XKR5: variants seen among roughly 807,000 people sequenced by gnomAD.
XKR5 encodes the protein XK-related protein 5.
Under a neutral mutation model 40.8 loss-of-function variants are expected in XKR5, and 46 were observed. The observed-to-expected ratio is 1.13, with a 90% confidence interval of 0.89 to 1.44. The LOEUF (loss-of-function observed/expected upper bound fraction) is 1.44. Among genes scored for constraint, XKR5 ranks in the 40% most tolerant of loss-of-function variants. The probability of loss-of-function intolerance (pLI) is 0.00; values close to 1 mark genes in which losing one functional copy is unlikely to be tolerated. For synonymous variants in XKR5, 466 were observed against 356.1 expected, an observed-to-expected ratio of 1.31 and a Z score of -3.48; for missense variants, 1,169 against 844.7, an observed-to-expected ratio of 1.38 and a Z score of -4.76.
At chr8:6,814,722 A>G (rs899115675) in intron 6 of XKR5, among the ~76,000 whole-genome samples, 1 of 152,232 alleles carries the variant, frequency 6.6e-6, no homozygotes, top group African/African-American at 2.4e-5. Context: ...AAGCTGGAAG[A>G]AGTGAGGACC....
chr8:6,831,715 C>G (rs1804772008), intron 2 of XKR5, among the ~76,000 whole-genome samples: 1 of 151,982 alleles, frequency 6.6e-6, no homozygotes, highest in Non-Finnish European at 1.5e-5. Context: ...GAATTTTTCT[C>G]CCTTAAAAAA....
chr8:6,833,727 A>C (rs141971335), intron 1 of XKR5, among the ~76,000 whole-genome samples: 78 of 152,266 alleles, frequency 5.1e-4, no homozygotes, highest in African/African-American at 1.8e-3. Context: ...AAAACAAAAC[A>C]AAACAGTAAC....
At chr8:6,813,020 G>A (rs972920828) in intron 6 of XKR5, among the ~76,000 whole-genome samples, 2 of 152,190 alleles carry the variant, frequency 1.3e-5, no homozygotes, top group African/African-American at 2.4e-5. Flanking sequence ...CCAGTTTCCT[G>A]TTGTACTGGA....
chr8:6,823,442 T>A, intron 4 of XKR5, 79 bp downstream of exon 4: 2 of 1,435,714 alleles, frequency 1.4e-6, no homozygotes, highest in Non-Finnish European at 1.9e-6. Context: ...GAGGATCATA[T>A]GTGGTTATTC....
At chr8:6,832,977 A>T in intron 1 of XKR5, 77 bp from the exon 2 acceptor site, 1 of 1,288,182 alleles carries the variant, frequency 7.8e-7, no homozygotes, top group Non-Finnish European at 1.0e-6. Flanking sequence ...TAAACAACTG[A>T]ACATTTTCTG....
intron 5 of XKR5, among the ~76,000 whole-genome samples, chr8:6,819,916 C>T (rs1005505563): frequency 6.7e-6 from 1 of 150,304 alleles, no homozygotes; most frequent in Non-Finnish European, 1.5e-5. Context: ...TCTCTGCTCT[C>T]TTGCCCCCGA....
Position 6,808,532 on chromosome 8 carries a change from T to C in XKR5, c.*2666A>G, listed in dbSNP as rs949097400. 2 of 152,222 alleles carry C rather than the reference T, an allele frequency of 1.3e-5. No homozygotes were observed. The highest frequency in any genetic ancestry group is 1.3e-4 in the Admixed American group (2 of 15,290). 9.4% of individuals were successfully genotyped at this position (152,222 alleles called of 1,614,324 possible). ...TCAGCAGGCATTTTTGAATTAAGTGTCCATTTATTAGTCTTCTCTAATAAA... is the reference window on the plus strand; with the variant it reads ...TCAGCAGGCATTTTTGAATTAAGTGCCCATTTATTAGTCTTCTCTAATAAA... On this transcript the variant is annotated 3_prime_UTR_variant, in exon 7 of 7. Transcript: ENST00000618742.
intron 5 of XKR5, among the ~76,000 whole-genome samples, chr8:6,819,981 A>G (rs1240007932): frequency 2.0e-5 from 3 of 152,084 alleles, no homozygotes; most frequent in Admixed American, 6.5e-5. Context: ...ATCTACATCT[A>G]TCTACCTGTG....
intron 2 of XKR5, among the ~76,000 whole-genome samples, chr8:6,830,724 A>G (rs1427008657): frequency 1.3e-5 from 2 of 152,112 alleles, no homozygotes; most frequent in Non-Finnish European, 2.9e-5. Flanking sequence ...GTTTTTCCTA[A>G]TTTATAATTT....
chr8:6,823,831 C>G (rs1330694239), intron 3 of XKR5, 101 bp from the exon 4 acceptor site: 2 of 1,046,944 alleles, frequency 1.9e-6, no homozygotes, highest in Non-Finnish European at 1.4e-6. Flanking sequence ...GATGTGTAAC[C>G]TCTTGTTAAA....
At position 6,823,701 on chromosome 8, in the gene XKR5, G is replaced by T; in HGVS notation, c.457C>A (p.Leu153Ile). 2 of 1,586,602 alleles carry T rather than the reference G, an allele frequency of 1.3e-6. No homozygotes were observed. Among genetic ancestry groups the T allele is most frequent in the Non-Finnish European group, 1.7e-6 (2 of 1,166,548 alleles). ...GVSTLFSWSS[L>I]SWALVSYTRF... ...GTGTAGGACACCAGTGCCCAGGAGA[G>T]TGAGGACCAGGAAAACAGGGTGCTC... Residue 153 changes from leucine to isoleucine, a missense_variant, in exon 4 of 7, where the codon CTC (leucine) becomes ATC (isoleucine). Physicochemically the swap from Leu to Ile is conservative, Grantham distance 5 (BLOSUM62 2). Coordinates refer to ENST00000618742, the MANE Select transcript of XKR5 (RefSeq NM_207411.5).
chr8:6,832,130 C>G (rs2117121835), intron 2 of XKR5, among the ~76,000 whole-genome samples: 1 of 152,052 alleles, frequency 6.6e-6, no homozygotes, highest in Middle Eastern at 3.4e-3. Context: ...CTCATAGCTC[C>G]TTGAATCCAG....
Position 6,812,210 on chromosome 8 carries a change from G to T in XKR5, c.1049C>A (p.Ala350Asp), listed in dbSNP as rs1368753490. 6.4e-7 allele frequency: 1 copy of T among 1,551,876 alleles called. No homozygotes were observed. The highest frequency in any genetic ancestry group is 2.4e-5 in the East Asian group (1 of 40,930). ...GGTTCTCTTCCCAGCTAGATCTGTGGCCCGGGGAGAATCTCTTCTCTCTGT... is the reference window on the plus strand; with the variant it reads ...GGTTCTCTTCCCAGCTAGATCTGTGTCCCGGGGAGAATCTCTTCTCTCTGT... ...DKTERRDSPRATDLAGKRTES... is the reference protein window; with the variant it reads ...DKTERRDSPRDTDLAGKRTES... Residue 350 changes from alanine to aspartate, a missense_variant, in exon 7 of 7, where the codon GCC becomes GAC. Physicochemically the swap from Ala to Asp is moderately radical, Grantham distance 126. Coordinates refer to ENST00000618742, the MANE Select transcript of XKR5 (RefSeq NM_207411.5).
intron 5 of XKR5, among the ~76,000 whole-genome samples, chr8:6,817,572 C>G (rs1037965806): frequency 6.6e-6 from 1 of 152,048 alleles, no homozygotes; most frequent in Non-Finnish European, 1.5e-5. Flanking sequence ...CCCTACGATG[C>G]TGACCTCAGT....
chr8:6,825,294 C>G lies in XKR5; in HGVS notation c.298G>C (p.Gly100Arg). ...LQKELEAPHR[G>R]WLQLQEADLS... ...TCGGCCTCCTGCAGCTGCAGCCAGC[C>G]TCGGTGGGGAGCCTCCAGTTCCTTC... Residue 100 changes from glycine to arginine, a missense_variant, in exon 3 of 7, where the codon GGC (glycine) becomes CGC (arginine). By Grantham distance (125) the Gly-to-Arg change is moderately radical. Transcript: ENST00000618742. The G allele has an allele frequency of 1.2e-6, 2 of 1,609,578 alleles. No individual in the cohort carries two copies. Among genetic ancestry groups the G allele is most frequent in the Non-Finnish European group, 1.7e-6 (2 of 1,178,386 alleles).
intron 2 of XKR5, among the ~76,000 whole-genome samples, chr8:6,826,217 CATT>C (rs1403545134): frequency 1.3e-5 from 2 of 151,896 alleles, no homozygotes; most frequent in Non-Finnish European, 2.9e-5. Context: ...TGTATATAGG[CATT>C]ATGTGCTTGC....
At chr8:6,832,505 A>G (rs556240425) in intron 2 of XKR5, among the ~76,000 whole-genome samples, 18 of 152,330 alleles carry the variant, frequency 1.2e-4, no homozygotes, top group African/African-American at 4.1e-4. Flanking sequence ...AGCTTCACAG[A>G]GAAAGAGCCC....
intron 5 of XKR5, among the ~76,000 whole-genome samples, chr8:6,818,438 C>A (rs890631493): frequency 1.1e-4 from 17 of 152,220 alleles, no homozygotes; most frequent in African/African-American, 4.1e-4. Context: ...TGAGACATGA[C>A]CCTCTCACAC....
chr8:6,834,228 A>G (rs1804898890), intron 1 of XKR5, among the ~76,000 whole-genome samples: 1 of 152,198 alleles, frequency 6.6e-6, no homozygotes, highest in African/African-American at 2.4e-5. Flanking sequence ...AGGTTTTCCA[A>G]TAGTAAAGTT....
Sources: allele counts gnomAD v4.1 joint callset (sites outside exome capture counted in the v4.1 genomes callset), GRCh38; gene constraint gnomAD v4.1.1; transcripts MANE v1.5; gene names NCBI Gene and HGNC (gene_info 2026-07-23, HGNC 2026-07-21).